The following DDX46 variants were observed in gnomAD, a reference collection of about 807,000 sequenced individuals.
The protein encoded by DDX46 is DEAD-box helicase 46, also known as probable ATP-dependent RNA helicase DDX46.
DDX46 carries 30 observed loss-of-function variants against 134.9 expected under a neutral mutation model. The ratio of observed to expected loss-of-function variants is 0.22; its 90% CI spans 0.17 to 0.30. The LOEUF is 0.30. Among genes scored for constraint, DDX46 ranks in the 10% least tolerant of loss-of-function variants. The pLI is 1.00. For missense variants in DDX46, 622 were observed against 1,248.7 expected, an observed-to-expected ratio of 0.50 and a Z score of 7.56; for synonymous variants, 415 against 404.1, an observed-to-expected ratio of 1.03 and a Z score of -0.32.
At position 134,828,263 on chromosome 5, in the gene DDX46, G is replaced by A. The variant is rs373865016; in HGVS notation, c.3052-396G>A. On this transcript the variant is annotated intron_variant, in intron 22 of 22. Transcript: ENST00000452510. Reference sequence around the variant, plus strand: ...ATTCCTTTTTTTGTTGGGGGGTGGGGGTGGTTAGAAGTTTAATGAAAAGTG... The same window carrying A: ...ATTCCTTTTTTTGTTGGGGGGTGGGAGTGGTTAGAAGTTTAATGAAAAGTG... Among the ~76,000 whole-genome samples, 72 of 152,078 alleles carry A rather than the reference G, an allele frequency of 4.7e-4. 2 individuals are homozygous for A. The South Asian group carries it at 0.015, about 31-fold the overall frequency.
intron 21 of DDX46, 122 bp downstream of exon 21, chr5:134,819,126 A>G: frequency 9.5e-7 from 1 of 1,051,698 alleles, no homozygotes; most frequent in Non-Finnish European, 1.3e-6. Flanking sequence ...CACCTCTGAA[A>G]ACAAAATCTT....
At chr5:134,778,454 C>CT (rs1357160059) in intron 6 of DDX46, among the ~76,000 whole-genome samples, 34 of 152,178 alleles carry the variant, frequency 2.2e-4, no homozygotes, top group Non-Finnish European at 1.2e-4. Context: ...TGTAAGCACT[C>CT]TAAGGGCAGT....
At chr5:134,806,007 G>C (rs1032322687) in intron 15 of DDX46, among the ~76,000 whole-genome samples, 2 of 151,214 alleles carry the variant, frequency 1.3e-5, no homozygotes, top group Non-Finnish European at 2.9e-5. Context: ...AAGGTCAGGA[G>C]TTCAAGACCA....
intron 1 of DDX46, among the ~76,000 whole-genome samples, chr5:134,763,255 A>G (rs773120920): frequency 3.2e-4 from 48 of 152,082 alleles, no homozygotes; most frequent in Non-Finnish European, 3.8e-4. Context: ...AAAAACATTA[A>G]TGAGGTTGTG....
At chr5:134,765,717 GA>G (rs1179616447) in intron 2 of DDX46, among the ~76,000 whole-genome samples, 4 of 152,128 alleles carry the variant, frequency 2.6e-5, no homozygotes, top group African/African-American at 9.7e-5. Context: ...ATTAAAATAG[GA>G]AAGGAAGACA....
intron 5 of DDX46, among the ~76,000 whole-genome samples, chr5:134,775,428 T>A (rs1402179074): frequency 6.6e-6 from 1 of 152,096 alleles, no homozygotes; most frequent in Non-Finnish European, 1.5e-5. Flanking sequence ...GTAGTCATGA[T>A]GTCTTTTTTT....
intron 4 of DDX46, among the ~76,000 whole-genome samples, chr5:134,772,838 G>GTT (rs953127951): frequency 8.1e-4 from 123 of 152,248 alleles, no homozygotes; most frequent in African/African-American, 2.8e-3. Context: ...TTCTGCTCTT[G>GTT]TTGCTGAGGC....
intron 13 of DDX46, among the ~76,000 whole-genome samples, chr5:134,791,786 G>A (rs1206651187): frequency 6.6e-6 from 1 of 152,170 alleles, no homozygotes; most frequent in Non-Finnish European, 1.5e-5. Flanking sequence ...ATTGTATTTA[G>A]ATTTAGGGAC....
At chr5:134,819,110 A>G in intron 21 of DDX46, 106 bp downstream of exon 21, 3 of 1,231,564 alleles carry the variant, frequency 2.4e-6, no homozygotes, top group South Asian at 2.1e-5. Context: ...AACTGAAAGT[A>G]AGAAACACCT....
intron 1 of DDX46, among the ~76,000 whole-genome samples, chr5:134,759,624 A>T (rs896641642): frequency 1.3e-5 from 2 of 152,162 alleles, no homozygotes; most frequent in Non-Finnish European, 2.9e-5. Context: ...TGAGATTTTT[A>T]TGTTAAAAAT....
chr5:134,819,078 A>C, intron 21 of DDX46, 74 bp downstream of exon 21: 1 of 1,513,764 alleles, frequency 6.6e-7, no homozygotes, highest in Non-Finnish European at 8.9e-7. Context: ...CGCAAAGAGC[A>C]TGTGAGGTCA....
intron 18 of DDX46, among the ~76,000 whole-genome samples, chr5:134,812,812 A>G (rs1006115601): frequency 1.3e-5 from 2 of 151,770 alleles, no homozygotes; most frequent in African/African-American, 4.8e-5. Context: ...TGATTTTTGT[A>G]TTTTTAGTAG....
intron 11 of DDX46, among the ~76,000 whole-genome samples, chr5:134,787,436 G>A (rs752957773): frequency 1.1e-4 from 16 of 152,130 alleles, no homozygotes; most frequent in Non-Finnish European, 2.2e-4. Flanking sequence ...ATTAAGTGAC[G>A]TTTTCTGAAC....
chr5:134,786,023 AT>A (rs1462584660), intron 11 of DDX46, among the ~76,000 whole-genome samples: 2 of 151,878 alleles, frequency 1.3e-5, no homozygotes, highest in East Asian at 3.9e-4. Context: ...TAATTTTTGT[AT>A]TTTTAGTAGA....
intron 3 of DDX46, among the ~76,000 whole-genome samples, chr5:134,770,167 G>A (rs1391409498): frequency 6.6e-6 from 1 of 150,428 alleles, no homozygotes; most frequent in East Asian, 1.9e-4. Context: ...AAAATACTGA[G>A]CTTACAGGCA....
intron 4 of DDX46, among the ~76,000 whole-genome samples, chr5:134,773,295 T>C (rs1386734299): frequency 6.6e-6 from 1 of 152,196 alleles, no homozygotes; most frequent in Admixed American, 6.5e-5. Flanking sequence ...GAAAATTGCT[T>C]TTCATAGAGG....
chr5:134,823,314 ATT>A (rs972199702), intron 21 of DDX46, among the ~76,000 whole-genome samples: 2 of 151,786 alleles, frequency 1.3e-5, no homozygotes, highest in Non-Finnish European at 2.9e-5. Flanking sequence ...TAATTTTTGT[ATT>A]TTTAGTAGAG....
intron 13 of DDX46, 134 bp from the exon 14 acceptor site, chr5:134,794,716 T>G: frequency 5.8e-5 from 63 of 1,086,772 alleles, no homozygotes; most frequent in Non-Finnish European, 7.6e-5. Context: ...TGTCATTTCT[T>G]GAGATTGGGA....
intron 13 of DDX46, 29 bp from the exon 14 acceptor site, chr5:134,794,821 A>G: frequency 6.2e-7 from 1 of 1,611,010 alleles, no homozygotes; most frequent in East Asian, 2.2e-5. Flanking sequence ...TATTTACCAT[A>G]TTTATTTGTA....
Sources: gnomAD v4.1 joint callset for allele counts (sites outside exome capture counted in the v4.1 genomes callset) on GRCh38, gnomAD v4.1.1 for gene constraint, MANE v1.5 for transcripts, NCBI Gene and HGNC (gene_info 2026-07-23, HGNC 2026-07-21) for gene names.